RPS6KC1: variants seen among roughly 807,000 people sequenced by gnomAD.
The protein encoded by RPS6KC1 is inactive ribosomal protein S6 kinase delta-1.
Under a neutral mutation model 103.8 loss-of-function variants are expected in RPS6KC1, and 54 were observed. The observed-to-expected ratio is 0.52, with a 90% CI of 0.42 to 0.65. The LOEUF (loss-of-function observed/expected upper bound fraction) is 0.65. Ranked by LOEUF, RPS6KC1 falls within the 30% of genes least tolerant of loss-of-function variation. RPS6KC1 has a pLI of 0.00. For synonymous variants in RPS6KC1, 439 were observed against 438.7 expected (o/e 1.00, Z -0.01); for missense variants, 1,151 against 1,253.8 (o/e 0.92, Z 1.24).
At chr1:213,608,526 G>A in the RPS6KC1 span, among the ~76,000 whole-genome samples, 2 of 152,028 alleles carry the variant, frequency 1.3e-5, no homozygotes, top group South Asian at 2.1e-4. Context: ...GACGTCAAAG[G>A]TCACCAGGCT....
chr1:213,275,000 C>T (rs1410363254), downstream of RPS6KC1, among the ~76,000 whole-genome samples: 3 of 152,198 alleles, frequency 2.0e-5, no homozygotes, highest in Non-Finnish European at 2.9e-5. Context: ...CACTATTCCA[C>T]TTTCTGTCTC....
In RPS6KC1 at chr1:213,241,761, G is replaced by C. The variant is rs570315239; in HGVS notation, c.2285G>C (p.Ser762Thr). The C allele has an allele frequency of 5.6e-6, 9 of 1,613,984 alleles. No individual in the cohort carries two copies. Among genetic ancestry groups the C allele is most frequent in the East Asian group, 2.2e-5 (1 of 44,870 alleles). ...LSDPSGPKSY[S>T]ITEKHYAQED... ...GATCCCTCTGGGCCCAAATCCTATA[G>C]TATAACAGAGAAACACTATGCACAG... is the stretch of plus-strand genomic sequence containing the variant. The change falls in exon 11 of 15, where the codon AGT (serine) becomes ACT (threonine). Residue 762 changes from serine to threonine, a missense_variant. Ser to Thr is a moderately conservative substitution (Grantham distance 58). Transcript: ENST00000366960.
the RPS6KC1 span, among the ~76,000 whole-genome samples, chr1:213,641,354 G>A: frequency 6.6e-6 from 1 of 151,970 alleles, no homozygotes; most frequent in African/African-American, 2.4e-5. Flanking sequence ...TGAATATTAA[G>A]TTATGAGACA....
At chr1:213,782,110 AG>A in the RPS6KC1 span, among the ~76,000 whole-genome samples, 2 of 152,112 alleles carry the variant, frequency 1.3e-5, no homozygotes, top group Non-Finnish European at 2.9e-5. Context: ...AACACAACAA[AG>A]GTTTATGTCT....
At chr1:213,413,583 G>A in the RPS6KC1 span, among the ~76,000 whole-genome samples, 4 of 152,264 alleles carry the variant, frequency 2.6e-5, no homozygotes, top group South Asian at 6.2e-4. Context: ...ACTGGCAGGC[G>A]CCCTCAGTTT....
chr1:213,239,973 AT>A (rs930208470), intron 10 of RPS6KC1, among the ~76,000 whole-genome samples: 1 of 151,960 alleles, frequency 6.6e-6, no homozygotes, highest in Admixed American at 6.6e-5. Context: ...AAAATACTGG[AT>A]TTTTTTTATT....
chr1:213,826,274 G>A, the RPS6KC1 span, among the ~76,000 whole-genome samples: 5 of 152,220 alleles, frequency 3.3e-5, no homozygotes, highest in African/African-American at 1.2e-4. Context: ...CAGATGTCCA[G>A]GTAATGCTAA....
the RPS6KC1 span, among the ~76,000 whole-genome samples, chr1:213,302,405 T>G: frequency 1.3e-5 from 2 of 152,082 alleles, no homozygotes; most frequent in African/African-American, 4.8e-5. Flanking sequence ...CTCACACCCA[T>G]AATCGCAACA....
At chr1:213,099,928 A>C (rs1050319082) in intron 3 of RPS6KC1, among the ~76,000 whole-genome samples, 1 of 152,204 alleles carries the variant, frequency 6.6e-6, no homozygotes. Flanking sequence ...ATTTTAAGTA[A>C]ATCTACAATA....
At chr1:213,784,886 C>T in the RPS6KC1 span, among the ~76,000 whole-genome samples, 42 of 152,168 alleles carry the variant, frequency 2.8e-4, no homozygotes, top group Admixed American at 2.1e-3. Context: ...TTCCTACATC[C>T]TCCTTCTTCC....
At chr1:213,360,608 G>A in the RPS6KC1 span, among the ~76,000 whole-genome samples, 10 of 152,200 alleles carry the variant, frequency 6.6e-5, no homozygotes, top group Admixed American at 2.6e-4. Context: ...GAGGAGCTGC[G>A]TTCCTTTGGA....
chr1:213,481,825 A>G, the RPS6KC1 span, among the ~76,000 whole-genome samples: 1 of 152,170 alleles, frequency 6.6e-6, no homozygotes, highest in Non-Finnish European at 1.5e-5. Flanking sequence ...TCCTCAGTCA[A>G]ATTTCATGTT....
In RPS6KC1 at chr1:213,071,042, G is replaced by T; in HGVS notation, c.141+1G>T. Reference sequence around the variant, plus strand: ...AAGAAATCCAGAGGATGTCCAGGAGGTAACATTTATATGAAGATTTTATTT... The same window carrying T: ...AAGAAATCCAGAGGATGTCCAGGAGTTAACATTTATATGAAGATTTTATTT... On this transcript the variant is annotated splice_donor_variant, in intron 2 of 14. Coordinates refer to ENST00000366960, the MANE Select transcript of RPS6KC1 (RefSeq NM_012424.6). LOFTEE classifies it high-confidence loss of function. The T allele has an allele frequency of 6.5e-7, 1 of 1,528,664 alleles. No individual in the cohort carries two copies. The highest frequency in any genetic ancestry group is 8.9e-7 in the Non-Finnish European group (1 of 1,123,334). 94.7% of individuals were successfully genotyped at this position (1,528,664 alleles called of 1,614,324 possible). A position where few individuals can be genotyped will look rare whatever the true frequency, so the allele number is the denominator to read the frequency against.
the RPS6KC1 span, among the ~76,000 whole-genome samples, chr1:213,416,747 G>T: frequency 6.6e-6 from 1 of 152,152 alleles, no homozygotes; most frequent in African/African-American, 2.4e-5. Flanking sequence ...GAAGGATGGT[G>T]CCAGAAACCA....
At chr1:213,416,627 C>T in the RPS6KC1 span, among the ~76,000 whole-genome samples, 14 of 152,206 alleles carry the variant, frequency 9.2e-5, no homozygotes, top group Admixed American at 9.2e-4. Context: ...GCAAGCCTCC[C>T]CTGTCACAGT....
At chr1:213,310,371 C>T in the RPS6KC1 span, among the ~76,000 whole-genome samples, 4 of 152,172 alleles carry the variant, frequency 2.6e-5, no homozygotes, top group African/African-American at 9.7e-5. Context: ...TCCCTCCCTG[C>T]GCTCCAGGCA....
chr1:213,275,664 A>G (rs1265215712), downstream of RPS6KC1, among the ~76,000 whole-genome samples: 3 of 152,184 alleles, frequency 2.0e-5, no homozygotes, highest in African/African-American at 7.2e-5. Flanking sequence ...TTGTAGAATG[A>G]TCAAATCAGG....
chr1:213,615,241 T>A, the RPS6KC1 span, among the ~76,000 whole-genome samples: 3 of 151,876 alleles, frequency 2.0e-5, no homozygotes, highest in Non-Finnish European at 4.4e-5. Flanking sequence ...TGGGGAAGTG[T>A]GGGAGGCTGT....
At chr1:213,802,615 A>C in the RPS6KC1 span, among the ~76,000 whole-genome samples, 1 of 152,180 alleles carries the variant, frequency 6.6e-6, no homozygotes, top group African/African-American at 2.4e-5. Flanking sequence ...TTAGATGTAA[A>C]TCTTTATAGC....
Sources: allele counts gnomAD v4.1 joint callset (sites outside exome capture counted in the v4.1 genomes callset), GRCh38; gene constraint gnomAD v4.1.1; transcripts MANE v1.5; gene names NCBI Gene and HGNC (gene_info 2026-07-23, HGNC 2026-07-21).